Variants in LRMDA observed in about 807,000 individuals in gnomAD.
LRMDA encodes leucine rich melanocyte differentiation associated, also known as leucine-rich melanocyte differentiation-associated protein.
LRMDA carries 18 observed loss-of-function variants against 29.8 expected under a neutral mutation model. The observed-to-expected ratio is 0.60, with a 90% CI of 0.42 to 0.90. The LOEUF (loss-of-function observed/expected upper bound fraction) is 0.90, where lower values mean the gene tolerates loss of function less well. Among genes scored for constraint, LRMDA ranks in the 40% least tolerant of loss-of-function variants. The pLI, the probability that LRMDA is intolerant of heterozygous loss-of-function variation, is 0.00. For synonymous variants in LRMDA, 125 were observed against 109.4 expected (o/e 1.14, Z -0.89); for missense variants, 273 against 273.9 (o/e 1.00, Z 0.02).
At chr10:76,055,471 T>C (rs1161285691) in intron 4 of LRMDA, among the ~76,000 whole-genome samples, 1 of 152,234 alleles carries the variant, frequency 6.6e-6, no homozygotes, top group African/African-American at 2.4e-5. Flanking sequence ...GGGTTGTTAC[T>C]TCCTCAGTTG....
At chr10:75,988,279 A>C (rs943215449) in intron 2 of LRMDA, among the ~76,000 whole-genome samples, 4 of 152,146 alleles carry the variant, frequency 2.6e-5, no homozygotes, top group African/African-American at 7.2e-5. Context: ...GGGATTTGGG[A>C]GAAGTCAGTT....
intron 6 of LRMDA, among the ~76,000 whole-genome samples, chr10:76,530,147 C>T (rs973767009): frequency 1.3e-5 from 2 of 152,088 alleles, no homozygotes; most frequent in Non-Finnish European, 2.9e-5. Context: ...TTAAAGGTCC[C>T]AGGAGATTGA....
At chr10:75,760,551 G>T (rs893263526) in intron 2 of LRMDA, among the ~76,000 whole-genome samples, 1 of 152,122 alleles carries the variant, frequency 6.6e-6, no homozygotes, top group African/African-American at 2.4e-5. Context: ...ATTGATATTC[G>T]AATAGTGGCA....
intron 2 of LRMDA, among the ~76,000 whole-genome samples, chr10:75,975,091 T>C (rs565119927): frequency 2.6e-5 from 4 of 152,352 alleles, no homozygotes; most frequent in Admixed American, 2.6e-4. Flanking sequence ...AGGTCAGGCA[T>C]TGTACTAAGT....
At chr10:75,713,850 T>C (rs1038795011) in intron 2 of LRMDA, among the ~76,000 whole-genome samples, 1 of 151,628 alleles carries the variant, frequency 6.6e-6, no homozygotes, top group Non-Finnish European at 1.5e-5. Context: ...TCTCCCACCC[T>C]CTCTCTCTCT....
chr10:75,830,694 G>A (rs1238349385), intron 2 of LRMDA, among the ~76,000 whole-genome samples: 2 of 152,144 alleles, frequency 1.3e-5, no homozygotes, highest in Non-Finnish European at 2.9e-5. Flanking sequence ...GGAATTATGG[G>A]AGCTACAAGA....
chr10:75,599,994 T>G (rs1449657927), intron 2 of LRMDA, among the ~76,000 whole-genome samples: 1 of 152,154 alleles, frequency 6.6e-6, no homozygotes, highest in African/African-American at 2.4e-5. Flanking sequence ...ACCCTGACCT[T>G]ACCCAGGGCA....
intron 2 of LRMDA, among the ~76,000 whole-genome samples, chr10:75,776,003 C>T (rs1843307470): frequency 6.6e-6 from 1 of 152,144 alleles, no homozygotes; most frequent in South Asian, 2.1e-4. Flanking sequence ...GTTTAGTTAG[C>T]AAACCATGAG....
chr10:76,012,831 G>A (rs1430370118), intron 2 of LRMDA, among the ~76,000 whole-genome samples: 1 of 152,110 alleles, frequency 6.6e-6, no homozygotes, highest in Non-Finnish European at 1.5e-5. Flanking sequence ...CGGGATATAA[G>A]CCCATGCAGT....
At chr10:75,859,435 C>A (rs1384300143) in intron 2 of LRMDA, among the ~76,000 whole-genome samples, 1 of 152,162 alleles carries the variant, frequency 6.6e-6, no homozygotes, top group South Asian at 2.1e-4. Context: ...GTACATCTCA[C>A]TGCCATTTAC....
chr10:76,248,039 C>T (rs1390878895), intron 5 of LRMDA, among the ~76,000 whole-genome samples: 1 of 152,118 alleles, frequency 6.6e-6, no homozygotes, highest in African/African-American at 2.4e-5. Context: ...TGAATCCAGC[C>T]GTCTTCATTG....
chr10:75,573,623 A>AATGTTTTT (rs1190028846), intron 2 of LRMDA, among the ~76,000 whole-genome samples: 1 of 151,918 alleles, frequency 6.6e-6, no homozygotes, highest in African/African-American at 2.4e-5. Context: ...AAGATGTTCT[A>AATGTTTTT]TTTATTCTTT....
chr10:75,897,862 G>T (rs1435791404), intron 2 of LRMDA, among the ~76,000 whole-genome samples: 1 of 103,460 alleles, frequency 9.7e-6, no homozygotes, highest in Admixed American at 1.6e-4. Context: ...TCACGTTGTT[G>T]CCCAGGCTGT....
intron 2 of LRMDA, among the ~76,000 whole-genome samples, chr10:76,034,290 G>T (rs894486464): frequency 6.6e-6 from 1 of 152,132 alleles, no homozygotes; most frequent in Non-Finnish European, 1.5e-5. Context: ...CATCACATCA[G>T]GATAAATGGG....
At chr10:76,110,854 CA>C (rs796175875) in intron 5 of LRMDA, among the ~76,000 whole-genome samples, 5 of 152,232 alleles carry the variant, frequency 3.3e-5, no homozygotes, top group African/African-American at 9.6e-5. Flanking sequence ...TGGACTAATA[CA>C]TAGGGTAAAG....
Position 75,901,178 on chromosome 10 carries a change from T to C in LRMDA, c.132-134830T>C, listed in dbSNP as rs181902297. On this transcript the variant is annotated intron_variant, in intron 2 of 6. Transcript: ENST00000611255. Reference sequence around the variant, plus strand: ...CTGTGTGAGTCACCTTGAACTCCAGTGGTCTGGGAGTAGCCTCTGTGCTCT... The same window carrying C: ...CTGTGTGAGTCACCTTGAACTCCAGCGGTCTGGGAGTAGCCTCTGTGCTCT... 8.8e-3 allele frequency among the ~76,000 whole-genome samples: 1,340 copies of C among 152,296 alleles called. 7 individuals carry two copies. Among genetic ancestry groups the C allele is most frequent in the Non-Finnish European group, 0.013 (913 of 68,024 alleles).
intron 6 of LRMDA, among the ~76,000 whole-genome samples, chr10:76,357,155 T>C (rs1032093124): frequency 1.3e-5 from 2 of 152,004 alleles, no homozygotes; most frequent in Non-Finnish European, 2.9e-5. Context: ...ATTGCTGAGG[T>C]GGGGGTGCGA....
Position 76,047,385 on chromosome 10 carries a change from A to C in LRMDA, c.398+82A>C. On this transcript the variant is annotated intron_variant, in intron 4 of 6. Transcript: ENST00000611255. ...GATGATATTATACTCTGGGGTGCAT[A>C]GTAGATGTTTGGTACATATCAGTGG... 4 of 1,377,616 alleles carry C rather than the reference A, an allele frequency of 2.9e-6. No individual in the cohort carries two copies. In the Admixed American group the frequency reaches 8.8e-5, roughly 30 times the overall value. 85.3% of individuals were successfully genotyped at this position (1,377,616 alleles called of 1,614,324 possible).
At chr10:76,276,059 CTT>C (rs1840130212) in intron 5 of LRMDA, among the ~76,000 whole-genome samples, 2 of 145,814 alleles carry the variant, frequency 1.4e-5, no homozygotes, top group Non-Finnish European at 3.1e-5. Flanking sequence ...CTATCTCTTT[CTT>C]TCTCTCTTTC....
Sources: allele counts gnomAD v4.1 joint callset (sites outside exome capture counted in the v4.1 genomes callset), GRCh38; gene constraint gnomAD v4.1.1; transcripts MANE v1.5; gene names NCBI Gene and HGNC (gene_info 2026-07-23, HGNC 2026-07-21).